ARHGEF16: variants seen among roughly 807,000 people sequenced by gnomAD.
The protein encoded by ARHGEF16 is Rho guanine exchange factor (GEF) 16.
Under a neutral mutation model 74.1 loss-of-function variants are expected in ARHGEF16, and 59 were observed. The observed-to-expected ratio is 0.80, with a 90% confidence interval of 0.65 to 0.99. ARHGEF16 has a LOEUF of 0.99. Among genes scored for constraint, ARHGEF16 ranks in the 50% least tolerant of loss-of-function variants. The pLI is 0.00. For missense variants in ARHGEF16, 948 were observed against 986.6 expected (o/e 0.96, Z 0.52); for synonymous variants, 415 against 412.6 (o/e 1.01, Z -0.07).
intron 1 of ARHGEF16, among the ~76,000 whole-genome samples, chr1:3,461,577 T>C (rs566861589): frequency 1.3e-5 from 2 of 152,298 alleles, no homozygotes; most frequent in African/African-American, 4.8e-5. Flanking sequence ...CTCAGTGGCC[T>C]GAGGGTTGCA....
At chr1:3,473,267 G>A in intron 7 of ARHGEF16, 37 bp downstream of exon 7, 2 of 1,605,586 alleles carry the variant, frequency 1.2e-6, no homozygotes, top group Non-Finnish European at 1.7e-6. Context: ...GGGTGGCTCA[G>A]GAGCATCCTG....
intron 8 of ARHGEF16, chr1:3,474,019 T>G: frequency 4.5e-6 from 1 of 222,888 alleles, no homozygotes; most frequent in Non-Finnish European, 9.0e-6. Flanking sequence ...CACGCACACA[T>G]GTATATACAG....
At chr1:3,468,627 C>A in intron 4 of ARHGEF16, 1 of 534,032 alleles carries the variant, frequency 1.9e-6, no homozygotes, top group East Asian at 3.3e-5. Context: ...ATGCCCCATG[C>A]TCTTTCTGGG....
At chr1:3,474,234 C>T (rs575581399) in intron 8 of ARHGEF16, 2 of 204,918 alleles carry the variant, frequency 9.8e-6, no homozygotes, top group African/African-American at 4.6e-5. Flanking sequence ...CGTGGATGCA[C>T]ACACATGCAT....
Position 3,476,328 on chromosome 1 carries a change from C to T in ARHGEF16, c.1473+266C>T, listed in dbSNP as rs140578437. On this transcript the variant is annotated intron_variant, in intron 10 of 14. Transcript: ENST00000378378. Reference sequence around the variant, plus strand: ...CCTTGCCCCATCCCCAGGACTGCACCGGCAAAGGGTAGACCCTAGGCCCTG... The same window carrying T: ...CCTTGCCCCATCCCCAGGACTGCACTGGCAAAGGGTAGACCCTAGGCCCTG... Among the ~76,000 whole-genome samples the T allele has an allele frequency of 1.3e-3, 196 of 152,242 alleles. 1 individual carries two copies. The highest frequency in any genetic ancestry group is 2.3e-3 in the Non-Finnish European group (153 of 67,996).
At chr1:3,458,328 C>T (rs1173360851) in intron 1 of ARHGEF16, among the ~76,000 whole-genome samples, 2 of 152,254 alleles carry the variant, frequency 1.3e-5, no homozygotes, top group African/African-American at 2.4e-5. Flanking sequence ...GGGAGCAGAT[C>T]TGCCACTGGC....
rs11579876 is a variant in ARHGEF16, at chr1:3,473,023, C to T, written c.1023-55C>T. The T allele has an allele frequency of 3.6e-3, 5,713 of 1,579,296 alleles. 150 individuals are homozygous for T. The African/African-American group carries it at 0.059, about 16-fold the overall frequency. ...GCAGATGCATGTCTGTGTGTGCACA[C>T]GTGGGGCCCGACCACCAGGCCCGTG... On this transcript the variant is annotated intron_variant, in intron 6 of 14. Transcript: ENST00000378378.
At chr1:3,474,834 T>TTCCC in intron 9 of ARHGEF16, 52 bp downstream of exon 9, 1 of 1,528,032 alleles carries the variant, frequency 6.5e-7, no homozygotes, top group Non-Finnish European at 9.0e-7. Flanking sequence ...CCCGACCCTG[T>TTCCC]CCCCACCCAA....
chr1:3,456,381 T>C (rs988109302), intron 1 of ARHGEF16, among the ~76,000 whole-genome samples: 2 of 152,178 alleles, frequency 1.3e-5, no homozygotes, highest in Non-Finnish European at 2.9e-5. Flanking sequence ...GTCTGAGTTT[T>C]AGTTTTGGTT....
chr1:3,477,923 C>T lies in ARHGEF16; in HGVS notation c.1522C>T (p.Leu508=), dbSNP rs761613791. The change falls in exon 11 of 15, where the codon CTG becomes TTG. Residue 508 remains leucine (L), a synonymous_variant. Transcript: ENST00000378378. ...ASRWLLKRGE[L]FLVEETGLFR... Reference sequence around the variant, plus strand: ...CCGGTGGCTGCTGAAGCGCGGAGAGCTGTTCTTAGTGGAAGAAACCGGACT... The same window carrying T: ...CCGGTGGCTGCTGAAGCGCGGAGAGTTGTTCTTAGTGGAAGAAACCGGACT... 8 of 1,612,590 alleles carry T rather than the reference C, an allele frequency of 5.0e-6. No individual in the cohort carries two copies.
At chr1:3,478,675 G>T (rs1639968030) in intron 12 of ARHGEF16, 63 bp downstream of exon 12, 2 of 1,510,150 alleles carry the variant, frequency 1.3e-6, no homozygotes, top group South Asian at 2.5e-5. Flanking sequence ...TGGGGACCGG[G>T]TTGTCCCCCT....
intron 2 of ARHGEF16, among the ~76,000 whole-genome samples, chr1:3,464,054 C>G (rs954216273): frequency 1.3e-5 from 2 of 152,256 alleles, no homozygotes; most frequent in African/African-American, 2.4e-5. Flanking sequence ...TGGGCTCCAT[C>G]TGCCCCGGCA....
Position 3,478,508 on chromosome 1 carries a change from C to T in ARHGEF16, c.1710C>T (p.Pro570=), listed in dbSNP as rs554388264. 25 of 1,612,610 alleles carry T rather than the reference C, an allele frequency of 1.6e-5. No homozygotes were observed. Among genetic ancestry groups the T allele is most frequent in the Middle Eastern group, 3.3e-4 (2 of 6,060 alleles). Residue 570 remains proline (P), a synonymous_variant, in exon 12 of 15, where the codon CCC becomes CCT. Transcript: ENST00000378378. Reference sequence around the variant, plus strand: ...TAGAGCCGTCTGAGCTCCCTCTGCCCGGGGGCGGCAACCGTAGCTCCTCCG... The same window carrying T: ...TAGAGCCGTCTGAGCTCCCTCTGCCTGGGGGCGGCAACCGTAGCTCCTCCG... The part of the protein sequence containing the change: ...EKIEPSELPL[P]GGGNRSSSVP...
intron 6 of ARHGEF16, chr1:3,471,899 C>G: frequency 1.1e-6 from 1 of 922,694 alleles, no homozygotes; most frequent in South Asian, 4.2e-5. Flanking sequence ...TGTCGTGGCC[C>G]TGCTCATCCA....
At chr1:3,461,298 G>T (rs540205139) in intron 1 of ARHGEF16, among the ~76,000 whole-genome samples, 1 of 152,348 alleles carries the variant, frequency 6.6e-6, no homozygotes, top group East Asian at 1.9e-4. Context: ...CAAGGCCTTG[G>T]TCACTGCGGC....
chr1:3,474,012 G>T (rs148420883), intron 8 of ARHGEF16: 1 of 230,360 alleles, frequency 4.3e-6, no homozygotes, highest in African/African-American at 2.3e-5. Flanking sequence ...ACACACACAC[G>T]CACACATGTA....
intron 6 of ARHGEF16, chr1:3,471,730 C>T (rs1296073770): frequency 3.6e-5 from 44 of 1,216,790 alleles, no homozygotes; most frequent in Non-Finnish European, 4.5e-5. Flanking sequence ...CCTCCCCCAG[C>T]TGGGCCCCCG....
At chr1:3,456,897 G>A (rs1444738975) in intron 1 of ARHGEF16, among the ~76,000 whole-genome samples, 1 of 152,226 alleles carries the variant, frequency 6.6e-6, no homozygotes, top group Non-Finnish European at 1.5e-5. Context: ...GTCCAGGTGG[G>A]AGGGCCAGGT....
Position 3,472,675 on chromosome 1 carries a change from G to A in ARHGEF16, c.1023-403G>A, listed in dbSNP as rs74050521. On this transcript the variant is annotated intron_variant, in intron 6 of 14. Transcript: ENST00000378378. Reference sequence around the variant, plus strand: ...GGTGCGGCAGCGGGGGCCCGGGCCTGTGTGGAGGCCCAGTCGTTTTAGCTG... The same window carrying A: ...GGTGCGGCAGCGGGGGCCCGGGCCTATGTGGAGGCCCAGTCGTTTTAGCTG... 7.5e-3 allele frequency: 1,266 copies of A among 169,020 alleles called. 16 individuals carry two copies. Among genetic ancestry groups the A allele is most frequent in the African/African-American group, 0.028 (1,186 of 42,052 alleles). The allele number at this position is 169,020 out of a possible 1,614,324, so 10.5% of individuals were successfully genotyped here.
Sources: allele counts gnomAD v4.1 joint callset (sites outside exome capture counted in the v4.1 genomes callset), GRCh38; gene constraint gnomAD v4.1.1; transcripts MANE v1.5; gene names NCBI Gene and HGNC (gene_info 2026-07-23, HGNC 2026-07-21).